The following GABBR2 variants were observed in gnomAD, a reference collection of about 807,000 sequenced individuals.
GABBR2 encodes gamma-aminobutyric acid type B receptor subunit 2.
In GABBR2, 23 loss-of-function variants were observed where a neutral mutation model predicts 105.6. That is an observed-to-expected ratio of 0.22 (90% confidence interval 0.16 to 0.31). GABBR2 has a LOEUF of 0.31. Among genes scored for constraint, GABBR2 ranks in the 10% least tolerant of loss-of-function variants. GABBR2 has a pLI of 1.00. For synonymous variants in GABBR2, 478 were observed against 499.7 expected (o/e 0.96, Z 0.58); for missense variants, 734 against 1,245.5 (o/e 0.59, Z 6.18).
intron 7 of GABBR2, among the ~76,000 whole-genome samples, chr9:98,444,242 T>A (rs1826081031): frequency 6.6e-6 from 1 of 152,072 alleles, no homozygotes; most frequent in South Asian, 2.1e-4. Context: ...AATAAATAAG[T>A]AAAATATGTA....
chr9:98,357,774 T>C (rs1027764396), intron 13 of GABBR2, among the ~76,000 whole-genome samples: 2 of 152,338 alleles, frequency 1.3e-5, no homozygotes, highest in East Asian at 1.9e-4. Flanking sequence ...TTACAGGACC[T>C]GTGTGCCTGT....
intron 3 of GABBR2, among the ~76,000 whole-genome samples, chr9:98,500,794 G>C (rs1827382711): frequency 6.6e-6 from 1 of 152,168 alleles, no homozygotes; most frequent in African/African-American, 2.4e-5. Flanking sequence ...CCCTGAAGCA[G>C]TGGTTCTCAA....
Position 98,560,688 on chromosome 9 carries a change from T to C in GABBR2, c.459+17247A>G, listed in dbSNP as rs1377819415. 2.0e-5 allele frequency among the ~76,000 whole-genome samples: 3 copies of C among 150,566 alleles called. No individual in the cohort carries two copies. In the East Asian group the frequency reaches 5.8e-4, roughly 29 times the overall value. On this transcript the variant is annotated intron_variant, in intron 2 of 18. Transcript: ENST00000259455. ...CAATAGCATGAGGAATACTTTCACT[T>C]AGATTCACCATTTTCCACATCTGCT... is the stretch of plus-strand genomic sequence containing the variant.
At chr9:98,556,806 A>G (rs1828593388) in intron 2 of GABBR2, among the ~76,000 whole-genome samples, 1 of 152,182 alleles carries the variant, frequency 6.6e-6, no homozygotes, top group Non-Finnish European at 1.5e-5. Context: ...GCACTTTGGG[A>G]GGCTGAGGTG....
chr9:98,698,949 G>A (rs1383287094), intron 1 of GABBR2, among the ~76,000 whole-genome samples: 1 of 152,138 alleles, frequency 6.6e-6, no homozygotes, highest in African/African-American at 2.4e-5. Flanking sequence ...CAGGAGCAGG[G>A]AGCCTGGAAG....
chr9:98,331,274 C>T (rs1831019924), intron 13 of GABBR2, among the ~76,000 whole-genome samples: 1 of 152,120 alleles, frequency 6.6e-6, no homozygotes, highest in Admixed American at 6.5e-5. Context: ...AGTGAACTTG[C>T]TGGGTCTTAA....
chr9:98,403,069 G>A (rs1397575108), intron 8 of GABBR2, among the ~76,000 whole-genome samples: 1 of 152,094 alleles, frequency 6.6e-6, no homozygotes, highest in African/African-American at 2.4e-5. Flanking sequence ...GCCGAGGTGG[G>A]CAGACTGCGA....
In GABBR2 at chr9:98,708,393, CGGCA is replaced by C; in HGVS notation, c.321+20_321+23del. On this transcript the variant is annotated intron_variant, in intron 1 of 18. Transcript: ENST00000259455. Reference sequence around the variant, plus strand: ...ACCCCAATGCCCCCCGAAGCCCCGACGGCAGGGGCAGCCGGACACTCACCTCCGT... The same window carrying C: ...ACCCCAATGCCCCCCGAAGCCCCGACGGGGCAGCCGGACACTCACCTCCGT... 1 of 1,362,648 alleles carries C rather than the reference CGGCA, an allele frequency of 7.3e-7. No individual in the cohort carries two copies. The allele number at this position is 1,362,648 out of a possible 1,614,324, so 84.4% of individuals were successfully genotyped here. A position where few individuals can be genotyped will look rare whatever the true frequency, so the allele number is the denominator to read the frequency against.
At chr9:98,372,873 T>C (rs193008598) in intron 11 of GABBR2, among the ~76,000 whole-genome samples, 9 of 152,332 alleles carry the variant, frequency 5.9e-5, no homozygotes, top group African/African-American at 1.7e-4. Context: ...GACAACAGTA[T>C]CACAGCGCTT....
rs150971923 is a variant in GABBR2, at chr9:98,368,055, G to A, written c.1770+3409C>T. Among the ~76,000 whole-genome samples, 486 of 152,074 alleles carry A rather than the reference G, an allele frequency of 3.2e-3. 3 individuals carry two copies. Among genetic ancestry groups the A allele is most frequent in the Non-Finnish European group, 5.3e-3 (359 of 67,988 alleles). ...GTGCATGAAGTTTATCGCCGTCATT[G>A]CCCTTTCTGTCCCTGACATCACCCT... On this transcript the variant is annotated intron_variant, in intron 12 of 18. Coordinates refer to ENST00000259455, the MANE Select transcript of GABBR2 (RefSeq NM_005458.8).
chr9:98,470,215 G>T (rs1464088507), intron 6 of GABBR2, among the ~76,000 whole-genome samples: 1 of 152,182 alleles, frequency 6.6e-6, no homozygotes, highest in Non-Finnish European at 1.5e-5. Flanking sequence ...TTAAGGGAGA[G>T]TCAAAAAATC....
chr9:98,341,134 C>G (rs565275658), intron 13 of GABBR2, among the ~76,000 whole-genome samples: 1 of 152,210 alleles, frequency 6.6e-6, no homozygotes, highest in Admixed American at 6.5e-5. Context: ...GGGAAGCCAA[C>G]AAGGAAGATG....
At chr9:98,450,981 G>T (rs1826220139) in intron 7 of GABBR2, among the ~76,000 whole-genome samples, 1 of 152,164 alleles carries the variant, frequency 6.6e-6, no homozygotes. Context: ...AGATTCTGTA[G>T]CTCTCTATTC....
intron 1 of GABBR2, among the ~76,000 whole-genome samples, chr9:98,686,698 A>G (rs980822999): frequency 6.6e-6 from 1 of 152,080 alleles, no homozygotes; most frequent in Non-Finnish European, 1.5e-5. Context: ...ACTGGGCCTA[A>G]AATCTATTTT....
intron 7 of GABBR2, among the ~76,000 whole-genome samples, chr9:98,437,177 TCAGGGC>T (rs1825941973): frequency 6.6e-6 from 1 of 152,132 alleles, no homozygotes; most frequent in Admixed American, 6.5e-5. Flanking sequence ...AGTCAAAATA[TCAGGGC>T]CATTGCCTCT....
intron 1 of GABBR2, among the ~76,000 whole-genome samples, chr9:98,664,472 T>C (rs1033007233): frequency 6.6e-6 from 1 of 152,204 alleles, no homozygotes; most frequent in Non-Finnish European, 1.5e-5. Context: ...GGCCACCAAG[T>C]TGGCAAATCC....
chr9:98,386,345 T>C (rs1159148511), intron 10 of GABBR2, among the ~76,000 whole-genome samples: 1 of 151,912 alleles, frequency 6.6e-6, no homozygotes, highest in Admixed American at 6.6e-5. Context: ...GTAGACCATG[T>C]CAAGGAGGCC....
chr9:98,516,449 T>G (rs139012637), intron 3 of GABBR2: 1 of 152,324 alleles, frequency 6.6e-6, no homozygotes, highest in African/African-American at 2.4e-5. Flanking sequence ...CCAAGAAGAA[T>G]AGAAACTTGC....
chr9:98,659,526 CTTT>C (rs149511264), intron 1 of GABBR2, among the ~76,000 whole-genome samples: 6 of 35,188 alleles, frequency 1.7e-4, no homozygotes, highest in Admixed American at 1.0e-3. Context: ...CTTTTCTTTT[CTTT>C]TTTTTTTTTT....
Sources: allele counts gnomAD v4.1 joint callset (sites outside exome capture counted in the v4.1 genomes callset), GRCh38; gene constraint gnomAD v4.1.1; transcripts MANE v1.5; gene names NCBI Gene and HGNC (gene_info 2026-07-23, HGNC 2026-07-21).